FGF13: variants seen among roughly 807,000 people sequenced by gnomAD.
FGF13 encodes the protein fibroblast growth factor homologous factor 2.
Under a neutral mutation model 19.5 loss-of-function variants are expected in FGF13, and 2 were observed. That is an observed-to-expected ratio of 0.10 (90% CI 0.04 to 0.32). FGF13 has a LOEUF of 0.32. Among genes scored for constraint, FGF13 ranks in the 10% least tolerant of loss-of-function variants. FGF13 has a pLI of 1.00. For synonymous variants in FGF13, 72 were observed against 76.9 expected (o/e 0.94, Z 0.33); for missense variants, 113 against 192.7 (o/e 0.59, Z 2.45).
chrX:138,848,972 A>T (rs2091203709), intron 3 of FGF13, among the ~76,000 whole-genome samples: 1 of 111,948 alleles, frequency 8.9e-6, no homozygotes, highest in Admixed American at 9.5e-5. Context: ...CTAGTCATGG[A>T]TTGGTAACAA....
chrX:138,832,765 G>C (rs2091083379), intron 3 of FGF13, among the ~76,000 whole-genome samples: 1 of 111,924 alleles, frequency 8.9e-6, no homozygotes, highest in Non-Finnish European at 1.9e-5. Flanking sequence ...ATATTGCCTA[G>C]GTTTTCTTCT....
Position 138,617,046 on chromosome X carries a change from T to C in FGF13, c.*15804A>G, listed in dbSNP as rs867577372. The C allele has an allele frequency of 2.6e-4, 29 of 111,815 alleles. No homozygotes were observed. The highest frequency in any genetic ancestry group is 8.8e-4 in the African/African-American group (27 of 30,741). The allele number at this position is 111,815 out of a possible 1,213,427, so 9.2% of individuals were successfully genotyped here. On this transcript the variant is annotated 3_prime_UTR_variant, in exon 5 of 5. Coordinates refer to ENST00000315930, the MANE Select transcript of FGF13 (RefSeq NM_004114.5). The stretch of plus-strand genomic sequence containing the variant: ...ATAATGGGAGAGGCTGCAGTGAAGG[T>C]CTCTGACATGCCCTAGAGACATTCT...
At chrX:139,061,608 A>T (rs1347502006) in intron 1 of FGF13, among the ~76,000 whole-genome samples, 1 of 109,513 alleles carries the variant, frequency 9.1e-6, no homozygotes. Context: ...AAATAAACTT[A>T]TTTTTTTTTA....
At chrX:138,968,705 T>TG (rs1164337135) in intron 1 of FGF13, among the ~76,000 whole-genome samples, 1 of 112,173 alleles carries the variant, frequency 8.9e-6, no homozygotes, top group Non-Finnish European at 1.9e-5. Flanking sequence ...AGAGAAAAGA[T>TG]GAAAGCAGGC....
intron 3 of FGF13, among the ~76,000 whole-genome samples, chrX:138,851,267 G>A (rs377113957): frequency 8.9e-6 from 1 of 111,820 alleles, no homozygotes; most frequent in East Asian, 2.8e-4. Context: ...TAATGGGATA[G>A]CTGGGTCAAA....
At chrX:139,129,142 TACATACAC>T (rs1192157483) in intron 1 of FGF13, among the ~76,000 whole-genome samples, 2 of 89,414 alleles carry the variant, frequency 2.2e-5, no homozygotes, top group Non-Finnish European at 4.4e-5. Flanking sequence ...CACATACACA[TACATACAC>T]ACATACACAC....
At chrX:138,643,361 C>T (rs2089270281) in intron 3 of FGF13, among the ~76,000 whole-genome samples, 1 of 112,498 alleles carries the variant, frequency 8.9e-6, no homozygotes, top group Non-Finnish European at 1.9e-5. Flanking sequence ...TACATCCCTT[C>T]CAGAGGCTAA....
chrX:138,690,941 C>T (rs1289896736), intron 3 of FGF13, among the ~76,000 whole-genome samples: 4 of 111,345 alleles, frequency 3.6e-5, no homozygotes, highest in Non-Finnish European at 5.7e-5. Flanking sequence ...CAGACATTGA[C>T]AGTATGAATG....
chrX:138,960,390 G>C (rs368501538), intron 1 of FGF13, among the ~76,000 whole-genome samples: 1 of 111,997 alleles, frequency 8.9e-6, no homozygotes, highest in Admixed American at 9.4e-5. Flanking sequence ...TGAGAGACCC[G>C]CTGTTAGTCT....
intron 1 of FGF13, among the ~76,000 whole-genome samples, chrX:138,895,983 A>T (rs2091502091): frequency 8.9e-6 from 1 of 112,173 alleles, no homozygotes. Context: ...AAGAATTATC[A>T]GAGGTTGGGG....
intron 1 of FGF13, among the ~76,000 whole-genome samples, chrX:139,198,084 G>T (rs911326695): frequency 1.8e-5 from 2 of 109,840 alleles, no homozygotes; most frequent in Non-Finnish European, 3.8e-5. Flanking sequence ...GAACTTTCTG[G>T]GGTGACAAGA....
intron 1 of FGF13, among the ~76,000 whole-genome samples, chrX:139,069,090 T>G (rs1442967811): frequency 9.6e-6 from 1 of 104,138 alleles, no homozygotes; most frequent in Non-Finnish European, 2.0e-5. Flanking sequence ...AAATACCATT[T>G]GACCCAGCCA....
intron 1 of FGF13, among the ~76,000 whole-genome samples, chrX:138,868,511 C>G (rs377044850): frequency 9.0e-6 from 1 of 111,087 alleles, no homozygotes; most frequent in East Asian, 2.8e-4. Context: ...ACTTTCTTGC[C>G]CGAAATCTTC....
chrX:138,703,830 T>C (rs2089969994), intron 2 of FGF13, among the ~76,000 whole-genome samples: 1 of 112,213 alleles, frequency 8.9e-6, no homozygotes, highest in Non-Finnish European at 1.9e-5. Context: ...TTCTCCTGTC[T>C]TAGCCTCCCT....
chrX:138,811,380 G>C (rs1183945153), intron 3 of FGF13, among the ~76,000 whole-genome samples: 2 of 110,603 alleles, frequency 1.8e-5, no homozygotes, highest in Non-Finnish European at 3.8e-5. Context: ...TCACTTGTAG[G>C]TGGGAACTGA....
At chrX:138,818,267 T>C (rs981874471) in intron 3 of FGF13, among the ~76,000 whole-genome samples, 3 of 111,067 alleles carry the variant, frequency 2.7e-5, no homozygotes, top group Non-Finnish European at 5.7e-5. Flanking sequence ...GAATGACTAC[T>C]ATGACATTTC....
At chrX:139,010,680 T>G (rs2092124414) in intron 1 of FGF13, among the ~76,000 whole-genome samples, 2 of 111,161 alleles carry the variant, frequency 1.8e-5, no homozygotes, top group Admixed American at 1.9e-4. Flanking sequence ...GTTCATAGCA[T>G]TAAATGCCTT....
At position 139,004,331 on chromosome X, in the gene FGF13, G is replaced by A. The variant is rs368907260; in HGVS notation, c.-112-139681C>T. Among the ~76,000 whole-genome samples the A allele has an allele frequency of 8.2e-3, 922 of 112,852 alleles. 10 individuals carry two copies. The highest frequency in any genetic ancestry group is 0.028 in the African/African-American group (870 of 31,102). Reference sequence around the variant, plus strand: ...GCCGGCTGTTCTGAGTGCGGGGCCCGCCAAGCCCACGCCCACCCGGAACTC... The same window carrying A: ...GCCGGCTGTTCTGAGTGCGGGGCCCACCAAGCCCACGCCCACCCGGAACTC... On this transcript the variant is annotated intron_variant, in intron 1 of 2. Transcript: ENST00000421460.
chrX:139,101,190 C>G (rs1341263009), intron 1 of FGF13, among the ~76,000 whole-genome samples: 1 of 112,135 alleles, frequency 8.9e-6, no homozygotes, highest in African/African-American at 3.2e-5. Flanking sequence ...CTGACTGCTG[C>G]TGAGAAGCTG....
Sources: allele counts gnomAD v4.1 joint callset (sites outside exome capture counted in the v4.1 genomes callset), GRCh38; gene constraint gnomAD v4.1.1; transcripts MANE v1.5; gene names NCBI Gene and HGNC (gene_info 2026-07-23, HGNC 2026-07-21).